ARHGEF9: variants seen among roughly 807,000 people sequenced by gnomAD.
ARHGEF9 encodes rho guanine nucleotide exchange factor 9.
ARHGEF9 carries 2 observed loss-of-function variants against 41.3 expected under a neutral mutation model. The ratio of observed to expected loss-of-function variants is 0.05; its 90% CI spans 0.02 to 0.15. The LOEUF (loss-of-function observed/expected upper bound fraction) is 0.15. ARHGEF9 is among the 10% of genes least tolerant of loss of function. ARHGEF9 has a pLI of 1.00. For missense variants in ARHGEF9, 225 were observed against 424.7 expected, an observed-to-expected ratio of 0.53 and a Z score of 4.13; for synonymous variants, 160 against 154.4, an observed-to-expected ratio of 1.04 and a Z score of -0.27.
chrX:63,686,651 T>A (rs190468724), intron 4 of ARHGEF9, among the ~76,000 whole-genome samples: 1 of 111,379 alleles, frequency 9.0e-6, no homozygotes, highest in East Asian at 2.8e-4. Context: ...AAGGACTTGT[T>A]AACAAAATAT....
At chrX:63,651,388 T>C (rs1174460134) in intron 8 of ARHGEF9, among the ~76,000 whole-genome samples, 1 of 109,669 alleles carries the variant, frequency 9.1e-6, no homozygotes, top group Non-Finnish European at 1.9e-5. Flanking sequence ...AACAGAAGAG[T>C]GGAACAGAAT....
At chrX:63,770,752 T>C (rs1366595486) in intron 1 of ARHGEF9, among the ~76,000 whole-genome samples, 2 of 111,910 alleles carry the variant, frequency 1.8e-5, no homozygotes, top group African/African-American at 6.5e-5. Context: ...GAGTGAGTTC[T>C]CACAAGATCT....
At chrX:63,666,872 G>A (rs1454756762) in intron 6 of ARHGEF9, among the ~76,000 whole-genome samples, 2 of 111,873 alleles carry the variant, frequency 1.8e-5, no homozygotes, top group Non-Finnish European at 3.8e-5. Context: ...CAATTCTACA[G>A]AGTTTCCAAG....
At chrX:63,760,473 G>A (rs1317102219) in intron 1 of ARHGEF9, among the ~76,000 whole-genome samples, 3 of 111,796 alleles carry the variant, frequency 2.7e-5, no homozygotes, top group Non-Finnish European at 5.6e-5. Flanking sequence ...TATTCTGACA[G>A]CTAAGGGATA....
chrX:63,638,645 C>T (rs1486401228), intron 9 of ARHGEF9: 10 of 305,119 alleles, frequency 3.3e-5, no homozygotes, highest in Middle Eastern at 8.5e-4. Flanking sequence ...AACTCTATTT[C>T]GCCTTCTCCA....
At chrX:63,671,953 A>G (rs1301821163) in intron 6 of ARHGEF9, among the ~76,000 whole-genome samples, 1 of 112,210 alleles carries the variant, frequency 8.9e-6, no homozygotes, top group African/African-American at 3.2e-5. Context: ...TGACAAGAAG[A>G]CCATGAAGAA....
chrX:63,638,330 T>C (rs2047423642), intron 9 of ARHGEF9, 121 bp from the exon 10 acceptor site: 3 of 651,288 alleles, frequency 4.6e-6, no homozygotes, highest in East Asian at 3.6e-5. Flanking sequence ...GAGTGTGAAC[T>C]GGTTTTACAA....
chrX:63,708,127 C>A (rs2052676177), intron 2 of ARHGEF9, among the ~76,000 whole-genome samples: 1 of 109,811 alleles, frequency 9.1e-6, no homozygotes, highest in African/African-American at 3.3e-5. Context: ...AAAGAATAGA[C>A]CTGGGCAAAA....
chrX:63,647,740 C>T (rs781827879), intron 8 of ARHGEF9, among the ~76,000 whole-genome samples: 1 of 111,161 alleles, frequency 9.0e-6, no homozygotes, highest in East Asian at 2.8e-4. Flanking sequence ...ATGATGCTTG[C>T]CTCATAAAAT....
At chrX:63,783,551 C>T (rs1302769645) in intron 1 of ARHGEF9, among the ~76,000 whole-genome samples, 2 of 111,785 alleles carry the variant, frequency 1.8e-5, no homozygotes, top group South Asian at 3.7e-4. Context: ...CGGCCGCGCC[C>T]GGCTTTCAGG....
chrX:63,716,855 C>A (rs1184559360), intron 2 of ARHGEF9, among the ~76,000 whole-genome samples: 3 of 112,010 alleles, frequency 2.7e-5, no homozygotes, highest in Admixed American at 1.9e-4. Flanking sequence ...GGAAAGTGAA[C>A]CTCTAGGACC....
At chrX:63,772,566 C>T (rs1244588363) in intron 1 of ARHGEF9, among the ~76,000 whole-genome samples, 1 of 111,807 alleles carries the variant, frequency 8.9e-6, no homozygotes, top group Non-Finnish European at 1.9e-5. Context: ...TTTCAGAGGG[C>T]ATTACTGAGG....
At chrX:63,639,975 G>T (rs1405055457) in intron 9 of ARHGEF9, 2 of 111,830 alleles carry the variant, frequency 1.8e-5, no homozygotes, top group Admixed American at 9.5e-5. Context: ...TGGTGTTAGG[G>T]AAATGAAGAG....
At chrX:63,723,917 C>A (rs1200922810) in intron 2 of ARHGEF9, among the ~76,000 whole-genome samples, 1 of 112,195 alleles carries the variant, frequency 8.9e-6, no homozygotes, top group Non-Finnish European at 1.9e-5. Flanking sequence ...TTGCTTCCCA[C>A]CCCCAGCACA....
intron 1 of ARHGEF9, among the ~76,000 whole-genome samples, chrX:63,761,581 C>T (rs1467793883): frequency 1.8e-5 from 2 of 111,473 alleles, no homozygotes; most frequent in Non-Finnish European, 3.8e-5. Context: ...TCACCCTTCT[C>T]CCACCCCAAG....
chrX:63,637,702 T>C lies in ARHGEF9; in HGVS notation c.*326A>G. ...AGCAATGAATAGAAATGTCAACTTC[T>C]GAAAGCAAAGGGAAGGGGGACAGGG... On this transcript the variant is annotated 3_prime_UTR_variant, in exon 10 of 10. Coordinates refer to ENST00000671741, the MANE Select transcript of ARHGEF9 (RefSeq NM_001353921.2). 4.5e-6 allele frequency: 1 copy of C among 221,542 alleles called. No homozygotes were observed. 18.3% of individuals were successfully genotyped at this position (221,542 alleles called of 1,213,427 possible).
At chrX:63,656,528 G>A (rs782448902) in intron 7 of ARHGEF9, 2 of 110,981 alleles carry the variant, frequency 1.8e-5, no homozygotes, top group South Asian at 7.7e-4. Context: ...ATAATATAAA[G>A]TACTGGTGAA....
chrX:63,752,451 C>G (rs1169043129), intron 1 of ARHGEF9, among the ~76,000 whole-genome samples: 1 of 111,764 alleles, frequency 8.9e-6, no homozygotes, highest in Non-Finnish European at 1.9e-5. Flanking sequence ...TGTATCAAAA[C>G]AAAGTGCCCA....
At chrX:63,686,850 T>C (rs781814837) in intron 4 of ARHGEF9, among the ~76,000 whole-genome samples, 1 of 110,165 alleles carries the variant, frequency 9.1e-6, no homozygotes, top group Non-Finnish European at 1.9e-5. Flanking sequence ...AAAGGTAAAA[T>C]AGCTCCTTCC....
Sources: allele counts gnomAD v4.1 joint callset (sites outside exome capture counted in the v4.1 genomes callset), GRCh38; gene constraint gnomAD v4.1.1; transcripts MANE v1.5; gene names NCBI Gene and HGNC (gene_info 2026-07-23, HGNC 2026-07-21).